Variants in SPOCK3 observed in about 807,000 individuals in gnomAD.
SPOCK3 encodes the protein testican-3.
Under a neutral mutation model 56.6 loss-of-function variants are expected in SPOCK3, and 30 were observed. The observed-to-expected ratio is 0.53, with a 90% confidence interval of 0.40 to 0.72. SPOCK3 has a LOEUF of 0.72. Ranked by LOEUF, SPOCK3 falls within the 30% of genes least tolerant of loss-of-function variation. SPOCK3 has a pLI of 0.00. For missense variants in SPOCK3, 527 were observed against 530.0 expected, an observed-to-expected ratio of 0.99 and a Z score of 0.06; for synonymous variants, 196 against 183.3, an observed-to-expected ratio of 1.07 and a Z score of -0.56.
intron 6 of SPOCK3, among the ~76,000 whole-genome samples, chr4:166,804,148 A>C (rs996744058): frequency 6.6e-6 from 1 of 152,128 alleles, no homozygotes; most frequent in African/African-American, 2.4e-5. Flanking sequence ...TTTCTTAGTA[A>C]GTATAAGCTT....
intron 2 of SPOCK3, among the ~76,000 whole-genome samples, chr4:167,144,174 C>A (rs1763753683): frequency 6.6e-6 from 1 of 151,886 alleles, no homozygotes; most frequent in Non-Finnish European, 1.5e-5. Flanking sequence ...TATCTATAAG[C>A]TCAACTTAAA....
intron 6 of SPOCK3, among the ~76,000 whole-genome samples, chr4:166,835,558 A>G (rs1746520896): frequency 6.6e-6 from 1 of 151,980 alleles, no homozygotes; most frequent in African/African-American, 2.4e-5. Flanking sequence ...CTGTCAAACT[A>G]TTTCTTAACT....
rs368655129 is a variant in SPOCK3 at position 167,059,867 on chromosome 4, T to C, written c.235+2625A>G. The stretch of plus-strand genomic sequence containing the variant: ...GTCCTTTATAGCGACATGGATGAAA[T>C]TGGAAATCATCATTCTCAGTAAACT... On this transcript the variant is annotated intron_variant, in intron 3 of 10. Coordinates refer to ENST00000357545, the MANE Select transcript of SPOCK3 (RefSeq NM_001040159.2). Among the ~76,000 whole-genome samples, 53 of 152,070 alleles carry C rather than the reference T, an allele frequency of 3.5e-4. 1 individual carries two copies. In the East Asian group the frequency reaches 7.7e-3, roughly 22 times the overall value.
chr4:167,120,971 A>G (rs1426560031), intron 2 of SPOCK3, among the ~76,000 whole-genome samples: 2 of 151,898 alleles, frequency 1.3e-5, no homozygotes, highest in Non-Finnish European at 2.9e-5. Flanking sequence ...TTTTTTCAAT[A>G]TAAAAAAATG....
At chr4:166,839,478 A>G (rs1416447237) in intron 6 of SPOCK3, among the ~76,000 whole-genome samples, 2 of 152,120 alleles carry the variant, frequency 1.3e-5, no homozygotes. Flanking sequence ...AGCACAGGGT[A>G]AGAGAAGAGG....
chr4:167,049,088 G>A (rs377313448), intron 3 of SPOCK3, among the ~76,000 whole-genome samples: 2 of 149,280 alleles, frequency 1.3e-5, no homozygotes, highest in East Asian at 3.9e-4. Flanking sequence ...TGTATTTCAA[G>A]AAAAGTTAAT....
intron 7 of SPOCK3, among the ~76,000 whole-genome samples, chr4:166,767,582 A>T (rs1738271853): frequency 6.6e-6 from 1 of 152,120 alleles, no homozygotes; most frequent in Non-Finnish European, 1.5e-5. Context: ...GTTCTTTTAC[A>T]TTTGCTGAGG....
intron 2 of SPOCK3, among the ~76,000 whole-genome samples, chr4:167,202,951 GT>G (rs1163683908): frequency 1.3e-5 from 2 of 151,386 alleles, no homozygotes; most frequent in African/African-American, 4.8e-5. Context: ...CTTTTATTTG[GT>G]TTTTTAAAAA....
At chr4:166,888,303 C>A (rs1027325837) in intron 6 of SPOCK3, among the ~76,000 whole-genome samples, 1 of 151,996 alleles carries the variant, frequency 6.6e-6, no homozygotes, top group Non-Finnish European at 1.5e-5. Flanking sequence ...CTAATAAGGG[C>A]ATCCAATAAT....
intron 5 of SPOCK3, among the ~76,000 whole-genome samples, chr4:166,903,331 C>G (rs1427000264): frequency 6.6e-6 from 1 of 151,802 alleles, no homozygotes; most frequent in Non-Finnish European, 1.5e-5. Flanking sequence ...CTTAAATGTT[C>G]TCAGCTTTGG....
intron 7 of SPOCK3, among the ~76,000 whole-genome samples, chr4:166,788,370 T>C (rs1740964986): frequency 6.6e-6 from 1 of 152,166 alleles, no homozygotes; most frequent in African/African-American, 2.4e-5. Context: ...AGTTAGTTAA[T>C]AGGTATTCCT....
At chr4:167,011,488 T>C (rs1251280589) in intron 3 of SPOCK3, among the ~76,000 whole-genome samples, 3 of 152,180 alleles carry the variant, frequency 2.0e-5, no homozygotes, top group Non-Finnish European at 4.4e-5. Context: ...TTTATTACAA[T>C]TTCACATTTT....
chr4:166,764,347 C>T (rs1260877236), intron 7 of SPOCK3, among the ~76,000 whole-genome samples: 3 of 152,114 alleles, frequency 2.0e-5, no homozygotes, highest in Non-Finnish European at 4.4e-5. Context: ...CCCCTCTCCC[C>T]ACCCCACAAC....
intron 7 of SPOCK3, among the ~76,000 whole-genome samples, chr4:166,770,126 T>G (rs1206067458): frequency 6.6e-6 from 1 of 152,192 alleles, no homozygotes; most frequent in Non-Finnish European, 1.5e-5. Flanking sequence ...CCTGACCCCT[T>G]GAGCTTCCCT....
At chr4:166,741,941 C>T (rs1734885718) in intron 9 of SPOCK3, 56 bp downstream of exon 9, 3 of 1,185,866 alleles carry the variant, frequency 2.5e-6, no homozygotes, top group African/African-American at 3.0e-5. Context: ...GTTGCTGTTT[C>T]CCTGGGGTTA....
chr4:167,167,052 T>C (rs1360798242), intron 2 of SPOCK3, among the ~76,000 whole-genome samples: 2 of 152,052 alleles, frequency 1.3e-5, no homozygotes, highest in Non-Finnish European at 2.9e-5. Flanking sequence ...TTTATTTTAT[T>C]TTTATTCTTG....
chr4:166,949,683 C>T (rs1348392739), intron 4 of SPOCK3, among the ~76,000 whole-genome samples: 1 of 152,048 alleles, frequency 6.6e-6, no homozygotes, highest in African/African-American at 2.4e-5. Flanking sequence ...ATGCTGCTGT[C>T]TGATCGTTCC....
At chr4:166,985,054 GA>G (rs1194455737) in intron 4 of SPOCK3, among the ~76,000 whole-genome samples, 1 of 152,072 alleles carries the variant, frequency 6.6e-6, no homozygotes, top group Non-Finnish European at 1.5e-5. Flanking sequence ...GCTTCCAGAA[GA>G]GAAGCCCAAG....
intron 2 of SPOCK3, among the ~76,000 whole-genome samples, chr4:167,130,662 T>TA (rs537310797): frequency 6.6e-6 from 1 of 151,980 alleles, no homozygotes; most frequent in African/African-American, 2.4e-5. Context: ...AAATGGCAGT[T>TA]AAAAAAAACC....
Sources: gnomAD v4.1 joint callset for allele counts (sites outside exome capture counted in the v4.1 genomes callset) on GRCh38, gnomAD v4.1.1 for gene constraint, MANE v1.5 for transcripts, NCBI Gene and HGNC (gene_info 2026-07-23, HGNC 2026-07-21) for gene names.